NUCB1: variants seen among roughly 807,000 people sequenced by gnomAD.
The protein encoded by NUCB1 is nucleobindin-1.
NUCB1 carries 47 observed loss-of-function variants against 61.2 expected under a neutral mutation model. That is an observed-to-expected ratio of 0.77 (90% CI 0.61 to 0.98). NUCB1 has a LOEUF of 0.98. Among genes scored for constraint, NUCB1 ranks in the 50% least tolerant of loss-of-function variants. NUCB1 has a pLI of 0.00. For missense variants in NUCB1, 583 were observed against 605.3 expected (o/e 0.96, Z 0.39); for synonymous variants, 234 against 243.1 (o/e 0.96, Z 0.35).
At chr19:48,913,605 G>A in intron 7 of NUCB1, 41 bp downstream of exon 7, 1 of 1,525,336 alleles carries the variant, frequency 6.6e-7, no homozygotes, top group Non-Finnish European at 9.1e-7. Context: ...ATGAACCCTA[G>A]ATTCTGACCC....
intron 10 of NUCB1, 91 bp downstream of exon 10, chr19:48,919,377 TCTGGGTCCCCGTCCATTCTC>T (rs1328219677): frequency 5.3e-6 from 5 of 940,544 alleles, no homozygotes; most frequent in Non-Finnish European, 8.1e-6. Context: ...TCTCTTTCTC[TCTGGGTCCCCGTCCATTCTC>T]CTGGGTCACT....
chr19:48,905,269 C>T (rs1304984882), intron 3 of NUCB1, among the ~76,000 whole-genome samples: 2 of 152,126 alleles, frequency 1.3e-5, no homozygotes, highest in East Asian at 3.8e-4. Context: ...GCTGGTGTCC[C>T]TTACATCACC....
At chr19:48,902,648 G>T (rs1192194848) in intron 2 of NUCB1, among the ~76,000 whole-genome samples, 1 of 151,862 alleles carries the variant, frequency 6.6e-6, no homozygotes, top group African/African-American at 2.4e-5. Context: ...GAGTTCAAGT[G>T]ATTTGCCCGC....
chr19:48,905,542 A>C (rs1311866581), intron 3 of NUCB1, among the ~76,000 whole-genome samples: 2 of 152,148 alleles, frequency 1.3e-5, no homozygotes, highest in Middle Eastern at 3.2e-3. Flanking sequence ...TGGCTTGATG[A>C]ATGACAGGAG....
chr19:48,914,241 C>G (rs894659176), intron 7 of NUCB1, among the ~76,000 whole-genome samples: 5 of 152,024 alleles, frequency 3.3e-5, no homozygotes, highest in African/African-American at 1.2e-4. Flanking sequence ...TCCCAAAGTG[C>G]TAGGATTACA....
chr19:48,918,990 G>C (rs201218259), intron 8 of NUCB1, 40 bp from the exon 9 acceptor site: 383 of 1,582,846 alleles, frequency 2.4e-4, no homozygotes, highest in Non-Finnish European at 3.1e-4. Flanking sequence ...AGCTCGCTGG[G>C]GACCTCTCAA....
intron 1 of NUCB1, 86 bp from the exon 2 acceptor site, chr19:48,900,700 G>T: frequency 6.6e-7 from 1 of 1,508,626 alleles, no homozygotes; most frequent in Non-Finnish European, 9.0e-7. Flanking sequence ...AGTGGGGGCG[G>T]CGCTGGGGGC....
In NUCB1 at chr19:48,904,428, C is replaced by G. The variant is rs1255204300; in HGVS notation, c.217C>G (p.Gln73Glu). 10 of 1,612,934 alleles carry G rather than the reference C, an allele frequency of 6.2e-6. No homozygotes were observed. Among genetic ancestry groups the G allele is most frequent in the Non-Finnish European group, 7.6e-6 (9 of 1,179,522 alleles). Residue 73 changes from glutamine (Q) to glutamate (E), a missense_variant, in exon 3 of 13, where the codon CAG becomes GAG. Gln to Glu is a conservative substitution (Grantham distance 29). Transcript: ENST00000405315. Reference sequence around the variant, plus strand: ...GGATGGGCATTTCCGAGAGAAGCTGCAGGCTGCCAATGCGGAGGACATCAA... The same window carrying G: ...GGATGGGCATTTCCGAGAGAAGCTGGAGGCTGCCAATGCGGAGGACATCAA... ...ETDGHFREKL[Q>E]AANAEDIKSG...
chr19:48,903,828 A>AGGTGGGTG (rs2037381174), intron 2 of NUCB1, among the ~76,000 whole-genome samples: 5 of 51,566 alleles, frequency 9.7e-5, no homozygotes, highest in Non-Finnish European at 1.9e-4. Flanking sequence ...ATGGATGGGC[A>AGGTGGGTG]GGTGGATGAG....
At chr19:48,914,137 G>A (rs1284653240) in intron 7 of NUCB1, among the ~76,000 whole-genome samples, 23 of 151,684 alleles carry the variant, frequency 1.5e-4, no homozygotes, top group African/African-American at 2.9e-4. Flanking sequence ...CACCATGCCC[G>A]GCTAACTTTT....
In NUCB1 at chr19:48,913,177, A is replaced by G; in HGVS notation, c.647A>G (p.His216Arg). Residue 216 changes from histidine to arginine, a missense_variant, in exon 6 of 13, where the codon CAC becomes CGC. Coordinates refer to ENST00000405315, the MANE Select transcript of NUCB1 (RefSeq NM_006184.6). The stretch of plus-strand genomic sequence containing the variant: ...GAGCAACAGCGCCGGCACCGCGAGC[A>G]CCCTAAAGTCAACGTGCCTGTGAGG... ...LEEQQRRHRE[H>R]PKVNVPGSQA... 6.2e-7 allele frequency: 1 copy of G among 1,612,890 alleles called. No homozygotes were observed. The highest frequency in any genetic ancestry group is 1.1e-5 in the South Asian group (1 of 91,018).
At chr19:48,921,737 C>T in intron 11 of NUCB1, 90 bp from the exon 12 acceptor site, 1 of 1,234,934 alleles carries the variant, frequency 8.1e-7, no homozygotes, top group Non-Finnish European at 1.2e-6. Context: ...TAGCAGGCTG[C>T]TGTGAAGTCT....
rs375101622 is a variant in NUCB1 at position 48,909,142 on chromosome 19, T to G, written c.377-2007T>G. ...CTGTACCAGGCCCCTCTCCTTGGCT[T>G]GCAGATGGCCGTCTTCTCACTGCAT... On this transcript the variant is annotated intron_variant, in intron 4 of 12. Transcript: ENST00000405315. 9.0e-4 allele frequency among the ~76,000 whole-genome samples: 137 copies of G among 152,200 alleles called. 1 individual carries two copies. The highest frequency in any genetic ancestry group is 3.1e-3 in the African/African-American group (128 of 41,538).
intron 4 of NUCB1, among the ~76,000 whole-genome samples, chr19:48,910,047 G>T (rs1367576132): frequency 6.6e-6 from 1 of 151,880 alleles, no homozygotes; most frequent in Non-Finnish European, 1.5e-5. Flanking sequence ...CAAAAATTTT[G>T]ATGTTTTTCT....
intron 2 of NUCB1, chr19:48,901,180 C>A: frequency 1.7e-6 from 1 of 603,940 alleles, no homozygotes; most frequent in Non-Finnish European, 3.0e-6. Context: ...ATTCTCTCCA[C>A]CCAAGAAGGA....
intron 7 of NUCB1, among the ~76,000 whole-genome samples, chr19:48,915,978 G>A (rs1038022435): frequency 1.3e-5 from 2 of 152,034 alleles, no homozygotes; most frequent in African/African-American, 2.4e-5. Context: ...CAGTTCAATA[G>A]TATTAAGTAT....
chr19:48,909,249 A>ATT (rs111606719), intron 4 of NUCB1, among the ~76,000 whole-genome samples: 102 of 136,856 alleles, frequency 7.5e-4, no homozygotes, highest in African/African-American at 2.8e-3. Context: ...TATTATTATT[A>ATT]TTTTTTTTTT....
chr19:48,913,401 T>C (rs949282705), intron 6 of NUCB1, 73 bp from the exon 7 acceptor site: 5 of 1,367,964 alleles, frequency 3.7e-6, no homozygotes, highest in Non-Finnish European at 5.2e-6. Context: ...TGGATGAGGG[T>C]AAAGGGATAT....
chr19:48,910,308 T>C (rs2037457784), intron 4 of NUCB1, among the ~76,000 whole-genome samples: 1 of 151,226 alleles, frequency 6.6e-6, no homozygotes, highest in Admixed American at 6.6e-5. Context: ...AATCTCTTGA[T>C]CTTGTGATCC....
Sources: gnomAD v4.1 joint callset for allele counts (sites outside exome capture counted in the v4.1 genomes callset) on GRCh38, gnomAD v4.1.1 for gene constraint, MANE v1.5 for transcripts, NCBI Gene and HGNC (gene_info 2026-07-23, HGNC 2026-07-21) for gene names.